POU2F1: variants seen among roughly 807,000 people sequenced by gnomAD.
The protein encoded by POU2F1 is POU class 2 homeobox 1.
Under a neutral mutation model 84.9 loss-of-function variants are expected in POU2F1, and 16 were observed. That is an observed-to-expected ratio of 0.19 (90% CI 0.13 to 0.29). POU2F1 has a LOEUF of 0.29. POU2F1 is among the 10% of genes least tolerant of loss of function. The pLI is 1.00. For missense variants in POU2F1, 738 were observed against 942.6 expected, an observed-to-expected ratio of 0.78 and a Z score of 2.84; for synonymous variants, 368 against 368.3, an observed-to-expected ratio of 1.00 and a Z score of 0.01.
chr1:167,254,797 C>A (rs898027606), intron 1 of POU2F1, among the ~76,000 whole-genome samples: 10 of 152,178 alleles, frequency 6.6e-5, no homozygotes, highest in African/African-American at 1.7e-4. Context: ...CTAGAATGCT[C>A]AAAAATGGTG....
At chr1:167,294,704 T>A (rs2102545709) in intron 1 of POU2F1, among the ~76,000 whole-genome samples, 1 of 152,200 alleles carries the variant, frequency 6.6e-6, no homozygotes. Flanking sequence ...AAATGCAAAT[T>A]AAAACCACAA....
rs927360408 is a variant in POU2F1 at position 167,389,486 on chromosome 1, C to T, written c.814-102C>T. 1.6e-5 allele frequency: 20 copies of T among 1,260,260 alleles called. No homozygotes were observed. In the African/African-American group the frequency reaches 2.1e-4, roughly 13 times the overall value. The allele number at this position is 1,260,260 out of a possible 1,614,324, so 78.1% of individuals were successfully genotyped here. ...TTCTGTAGTGTTACATGGTCTTCAT[C>T]GTTATCCATAAATGTGGCTCTTTCC... On this transcript the variant is annotated intron_variant, in intron 8 of 15. Coordinates refer to ENST00000367866, the MANE Select transcript of POU2F1 (RefSeq NM_002697.4).
chr1:167,221,085 G>A (rs1048423421), intron 1 of POU2F1, 127 bp downstream of exon 1: 8 of 924,222 alleles, frequency 8.7e-6, no homozygotes, highest in Middle Eastern at 3.3e-4. Flanking sequence ...GAGATGGGGG[G>A]CCGGGGAGCA....
chr1:167,396,026 T>A (rs1214701258), intron 9 of POU2F1, among the ~76,000 whole-genome samples: 1 of 152,234 alleles, frequency 6.6e-6, no homozygotes, highest in Non-Finnish European at 1.5e-5. Flanking sequence ...CATGATTACA[T>A]AAGGTGGCAA....
chr1:167,263,374 GC>G (rs1412634479), intron 1 of POU2F1, among the ~76,000 whole-genome samples: 2 of 152,032 alleles, frequency 1.3e-5, no homozygotes, highest in Non-Finnish European at 2.9e-5. Flanking sequence ...GCAAAAATTA[GC>G]CGGGCGTGGT....
At chr1:167,353,624 A>G (rs35163323) in intron 2 of POU2F1, among the ~76,000 whole-genome samples, 2,220 of 152,262 alleles carry the variant, frequency 0.015, 22 homozygotes, top group South Asian at 0.026. Flanking sequence ...AGAAACGATC[A>G]TCACTCACCA....
intron 1 of POU2F1, among the ~76,000 whole-genome samples, chr1:167,269,190 A>G (rs770221421): frequency 3.3e-5 from 5 of 152,198 alleles, no homozygotes; most frequent in Non-Finnish European, 5.9e-5. Context: ...GAAGTAACCT[A>G]TGTAGATCCA....
Position 167,392,207 on chromosome 1 carries a change from C to T in POU2F1, c.987+2446C>T, listed in dbSNP as rs142964579. On this transcript the variant is annotated intron_variant, in intron 9 of 15. Coordinates refer to ENST00000367866, the MANE Select transcript of POU2F1 (RefSeq NM_002697.4). ...TCTACTAAAAAATACAAAAATTAGC[C>T]GGGCGTGCTGGCGGGCGCCTGTAAT... Among the ~76,000 whole-genome samples, 1,351 of 152,006 alleles carry T rather than the reference C, an allele frequency of 8.9e-3. 19 individuals carry two copies. Among genetic ancestry groups the T allele is most frequent in the African/African-American group, 0.031 (1,266 of 41,460 alleles).
chr1:167,338,251 A>C (rs1557905757), intron 2 of POU2F1: 1 of 460,786 alleles, frequency 2.2e-6, no homozygotes, highest in Admixed American at 2.3e-5. Flanking sequence ...ACTTCCACTT[A>C]ATGAATAGTA....
intron 15 of POU2F1, 48 bp downstream of exon 15, chr1:167,413,162 A>AGTGT (rs59744507): frequency 0.016 from 16,265 of 1,030,354 alleles, 47 homozygotes; most frequent in South Asian, 0.022. Flanking sequence ...CGTGTGTGTG[A>AGTGT]GTGTGTGTGT....
intron 7 of POU2F1, chr1:167,379,093 A>AG (rs1315616041): frequency 1.3e-5 from 2 of 149,174 alleles, no homozygotes; most frequent in African/African-American, 2.4e-5. Flanking sequence ...TGGCTAATTG[A>AG]GAAAAAAAAA....
chr1:167,340,431 C>CT (rs761386225), intron 2 of POU2F1, among the ~76,000 whole-genome samples: 6,875 of 122,274 alleles, frequency 0.056, 337 homozygotes, highest in African/African-American at 0.097. Context: ...TTCTTTTTTT[C>CT]TTTTTTTTTT....
intron 1 of POU2F1, among the ~76,000 whole-genome samples, chr1:167,305,574 C>A (rs1468162286): frequency 6.6e-6 from 1 of 152,140 alleles, no homozygotes; most frequent in Non-Finnish European, 1.5e-5. Flanking sequence ...GTGTGGAGAT[C>A]TTATAGCGAA....
chr1:167,398,717 G>T (rs186233915), intron 11 of POU2F1, among the ~76,000 whole-genome samples: 3 of 152,276 alleles, frequency 2.0e-5, no homozygotes, highest in African/African-American at 7.2e-5. Context: ...GAAAAGACTT[G>T]AGCACATTGG....
chr1:167,361,184 C>G (rs527399924), intron 2 of POU2F1, among the ~76,000 whole-genome samples: 121 of 152,144 alleles, frequency 8.0e-4, no homozygotes, highest in African/African-American at 2.7e-3. Flanking sequence ...TTTCTCTTGC[C>G]TGATTGCTCT....
In POU2F1 at chr1:167,417,305, C is replaced by A. The variant is rs1341343131; in HGVS notation, c.*1495C>A. The stretch of plus-strand genomic sequence containing the variant: ...GGAACTTTGCACACACCTTAAGTGT[C>A]TCCTTGGTTTGTTCATGATGCTCCT... On this transcript the variant is annotated 3_prime_UTR_variant, in exon 16 of 16. Coordinates refer to ENST00000367866, the MANE Select transcript of POU2F1 (RefSeq NM_002697.4). 4 of 152,290 alleles carry A rather than the reference C, an allele frequency of 2.6e-5. No homozygotes were observed. The South Asian group carries it at 8.3e-4, about 32-fold the overall frequency. The allele number at this position is 152,290 out of a possible 1,614,324, so 9.4% of individuals were successfully genotyped here.
At chr1:167,402,620 T>C (rs1649290354) in intron 13 of POU2F1, among the ~76,000 whole-genome samples, 2 of 152,224 alleles carry the variant, frequency 1.3e-5, no homozygotes. Flanking sequence ...TAAGGAGATT[T>C]ATAAATGACA....
At position 167,332,529 on chromosome 1, in the gene POU2F1, A is replaced by G. The variant is rs757424724; in HGVS notation, c.121A>G (p.Asn41Asp). 4 of 1,602,654 alleles carry G rather than the reference A, an allele frequency of 2.5e-6. No homozygotes were observed. Among genetic ancestry groups the G allele is most frequent in the Non-Finnish European group, 2.6e-6 (3 of 1,169,810 alleles). Residue 41 changes from asparagine (N) to aspartate (D), a missense_variant, in exon 2 of 16, where the codon AAC becomes GAC. Physicochemically the swap from Asn to Asp is conservative, Grantham distance 23. This residue lies in a region of POU2F1 where 161 missense variants were observed against 147.0 expected (regional missense o/e 1.10). Transcript: ENST00000367866. Reference protein sequence around the residue: ...SKPSMESGDGNTGTQTNGLDF... With the variant: ...SKPSMESGDGDTGTQTNGLDF... Reference sequence around the variant, plus strand: ...ACCATCTATGGAGAGTGGAGATGGCAACACAGGTAAGAGTTTTCTGATCTA... The same window carrying G: ...ACCATCTATGGAGAGTGGAGATGGCGACACAGGTAAGAGTTTTCTGATCTA...
At chr1:167,334,626 T>A (rs956194453) in intron 2 of POU2F1, among the ~76,000 whole-genome samples, 1 of 152,220 alleles carries the variant, frequency 6.6e-6, no homozygotes, top group Admixed American at 6.5e-5. Flanking sequence ...TGTAACCGTC[T>A]TGTGAATTTC....
Sources: gnomAD v4.1 joint callset for allele counts (sites outside exome capture counted in the v4.1 genomes callset) on GRCh38, gnomAD v4.1.1 for gene constraint, gnomAD v4.1.1 regional missense constraint, MANE v1.5 for transcripts, NCBI Gene and HGNC (gene_info 2026-07-23, HGNC 2026-07-21) for gene names.